The following HOMER2 variants were observed in gnomAD, a reference collection of about 807,000 sequenced individuals.
The protein encoded by HOMER2 is homer scaffold protein 2.
Under a neutral mutation model 47.0 loss-of-function variants are expected in HOMER2, and 27 were observed. That is an observed-to-expected ratio of 0.57 (90% confidence interval 0.42 to 0.79). The LOEUF is 0.79. HOMER2 is among the 30% of genes least tolerant of loss of function. HOMER2 has a pLI of 0.00. For synonymous variants in HOMER2, 161 were observed against 163.8 expected (o/e 0.98, Z 0.13); for missense variants, 443 against 435.0 (o/e 1.02, Z -0.16).
chr15:82,840,109 G>A (rs2151581976), exon 2 of HOMER2: 1 of 152,210 alleles, frequency 6.6e-6, no homozygotes, highest in South Asian at 2.1e-4. Context: ...ATAAATTTAA[G>A]AGATATGGAT....
rs550000659 is a variant in HOMER2 at position 82,976,215 on chromosome 15, C to G, written n.82+9572G>C. Among the ~76,000 whole-genome samples the G allele has an allele frequency of 4.4e-3, 673 of 152,076 alleles. 5 individuals are homozygous for G. Among genetic ancestry groups the G allele is most frequent in the African/African-American group, 0.015 (633 of 41,486 alleles). ...ACTTTCCTCTTATTCTTCCTTTACC[C>G]TGAAGTACCTCTATACTTATATATC... is the stretch of plus-strand genomic sequence containing the variant. On this transcript the variant is annotated intron_variant and non_coding_transcript_variant, in intron 1 of 1. Transcript: ENST00000500334.
chr15:82,947,811 C>T (rs2054414045), intron 1 of HOMER2, among the ~76,000 whole-genome samples: 1 of 152,196 alleles, frequency 6.6e-6, no homozygotes, highest in Non-Finnish European at 1.5e-5. Context: ...AAATTATTTA[C>T]TGGAGGCCTA....
At chr15:82,952,100 T>C (rs1174090306) in intron 1 of HOMER2, 1 of 954,830 alleles carries the variant, frequency 1.0e-6, no homozygotes, top group East Asian at 1.2e-4. Flanking sequence ...TATTATTTGA[T>C]TATTTCCAGG....
rs760655607 is a variant in HOMER2 at position 82,854,689 on chromosome 15, C to T, written c.606G>A (p.Arg202=). Residue 202 remains arginine (R), a synonymous_variant, in exon 6 of 9, where the codon AGG becomes AGA. Coordinates refer to ENST00000450735, the MANE Select transcript of HOMER2 (RefSeq NM_004839.4). ...TCTCATCACGGCAGATGGAGAACTG[C>T]CTCTTCCACTGCTCCACACTGGCTG... The part of the protein sequence containing the change: ...ESAASVEQWK[R]QFSICRDEND... The T allele has an allele frequency of 6.0e-5, 97 of 1,613,014 alleles. No individual in the cohort carries two copies. Among genetic ancestry groups the T allele is most frequent in the Non-Finnish European group, 6.9e-5 (81 of 1,179,880 alleles).
chr15:82,956,909 C>T (rs2054592267), upstream of HOMER2, among the ~76,000 whole-genome samples: 1 of 152,154 alleles, frequency 6.6e-6, no homozygotes, highest in Non-Finnish European at 1.5e-5. Context: ...TCTGTGACCA[C>T]GGGCAAGTTT....
At chr15:82,898,439 G>C (rs1201013398) in intron 1 of HOMER2, 1 of 152,192 alleles carries the variant, frequency 6.6e-6, no homozygotes, top group East Asian at 1.9e-4. Flanking sequence ...TGTTCAGAGA[G>C]TAAATTTCAA....
At chr15:82,854,582 G>A (rs2051502820) in intron 6 of HOMER2, 62 bp downstream of exon 6, 2 of 1,517,512 alleles carry the variant, frequency 1.3e-6, no homozygotes. Context: ...GGTTGTGGGT[G>A]CCCCCATCTC....
intron 5 of HOMER2, among the ~76,000 whole-genome samples, chr15:82,857,511 A>C (rs1596305244): frequency 7.3e-6 from 1 of 136,170 alleles, no homozygotes; most frequent in African/African-American, 2.8e-5. Flanking sequence ...GCTCACTGCA[A>C]CCTCCGCCTC....
exon 2 of HOMER2, chr15:82,839,251 T>A (rs2151581513): frequency 6.6e-6 from 1 of 152,334 alleles, no homozygotes; most frequent in East Asian, 1.9e-4. Context: ...GTGTGGGCCC[T>A]ACTGAGGCAG....
intron 1 of HOMER2, among the ~76,000 whole-genome samples, chr15:82,921,085 A>G (rs942383486): frequency 6.6e-6 from 1 of 152,188 alleles, no homozygotes; most frequent in Non-Finnish European, 1.5e-5. Flanking sequence ...ACCTGAGGTC[A>G]GGAGTTCAAG....
At chr15:82,868,355 A>G (rs1169600948) in intron 3 of HOMER2, among the ~76,000 whole-genome samples, 2 of 151,146 alleles carry the variant, frequency 1.3e-5, no homozygotes, top group Admixed American at 6.6e-5. Context: ...TTTGTCACTT[A>G]TAAGTAGGAG....
chr15:82,897,404 C>G lies in HOMER2; in HGVS notation c.6-4563G>C, dbSNP rs150947420. 4.4e-3 allele frequency among the ~76,000 whole-genome samples: 668 copies of G among 152,208 alleles called. 3 individuals are homozygous for G. Among genetic ancestry groups the G allele is most frequent in the Middle Eastern group, 0.01 (3 of 294 alleles). On this transcript the variant is annotated intron_variant, in intron 1 of 8. Coordinates refer to ENST00000450735, the MANE Select transcript of HOMER2 (RefSeq NM_004839.4). ...TAAGTGACATGGAAACCCTCCCTCTCAGCCATTATGTTATTCTCTCTTCCT... is the reference window on the plus strand; with the variant it reads ...TAAGTGACATGGAAACCCTCCCTCTGAGCCATTATGTTATTCTCTCTTCCT...
intron 3 of HOMER2, among the ~76,000 whole-genome samples, chr15:82,866,451 C>T (rs2051970727): frequency 6.6e-6 from 1 of 152,156 alleles, no homozygotes; most frequent in African/African-American, 2.4e-5. Context: ...GGACTGTGGA[C>T]TTTTGAGTTA....
At chr15:82,962,796 G>A (rs1326926377) in intron 1 of HOMER2, among the ~76,000 whole-genome samples, 5 of 152,124 alleles carry the variant, frequency 3.3e-5, no homozygotes, top group Admixed American at 2.0e-4. Flanking sequence ...AATATAAAAG[G>A]TACCACAGTG....
chr15:82,893,855 G>T (rs939927934), intron 1 of HOMER2, among the ~76,000 whole-genome samples: 2 of 152,110 alleles, frequency 1.3e-5, no homozygotes, highest in African/African-American at 4.8e-5. Context: ...TTAAACTCCT[G>T]ATCTCAAGTG....
Position 82,838,407 on chromosome 15 carries a change from G to A in HOMER2, c.*8867C>T, listed in dbSNP as rs928661847. The A allele has an allele frequency of 3.3e-5, 5 of 152,348 alleles. No homozygotes were observed. In the East Asian group the frequency reaches 7.7e-4, roughly 24 times the overall value. The allele number at this position is 152,348 out of a possible 1,614,324, so 9.4% of individuals were successfully genotyped here. A position where few individuals can be genotyped will look rare whatever the true frequency, so the allele number is the denominator to read the frequency against. ...TCTCGGCAATGCAAACAGCATCGGTGGCAGCCACAGAATTATTTCCACTCA... is the reference window on the plus strand; with the variant it reads ...TCTCGGCAATGCAAACAGCATCGGTAGCAGCCACAGAATTATTTCCACTCA... On this transcript the variant is annotated 3_prime_UTR_variant, in exon 2 of 2. Transcript: ENST00000558090.
chr15:82,854,277 C>T (rs575119571), intron 6 of HOMER2, among the ~76,000 whole-genome samples: 47 of 152,144 alleles, frequency 3.1e-4, no homozygotes, highest in Middle Eastern at 3.4e-3. Flanking sequence ...TGGTGGCAGG[C>T]GCCTCTAATC....
At chr15:82,904,333 T>C (rs1419808888) in intron 1 of HOMER2, among the ~76,000 whole-genome samples, 2 of 151,990 alleles carry the variant, frequency 1.3e-5, no homozygotes, top group African/African-American at 2.4e-5. Context: ...TGAACTACAA[T>C]TGGGGAATTG....
intron 1 of HOMER2, among the ~76,000 whole-genome samples, chr15:82,949,928 AC>A (rs769583128): frequency 6.6e-6 from 1 of 152,098 alleles, no homozygotes; most frequent in Non-Finnish European, 1.5e-5. Flanking sequence ...GATGGAGAAG[AC>A]CCCGGAGAGA....
Sources: gnomAD v4.1 joint callset for allele counts (sites outside exome capture counted in the v4.1 genomes callset) on GRCh38, gnomAD v4.1.1 for gene constraint, MANE v1.5 for transcripts, NCBI Gene and HGNC (gene_info 2026-07-23, HGNC 2026-07-21) for gene names.